CNTNAP2: variants seen among roughly 807,000 people sequenced by gnomAD.
CNTNAP2 encodes the protein contactin associated protein 2.
A neutral mutation model predicts 155.2 loss-of-function variants in CNTNAP2; 98 were observed. The ratio of observed to expected loss-of-function variants is 0.63; its 90% confidence interval spans 0.54 to 0.75. The LOEUF (loss-of-function observed/expected upper bound fraction) is 0.75, where lower values mean the gene tolerates loss of function less well. CNTNAP2 is among the 30% of genes least tolerant of loss of function. The probability of loss-of-function intolerance (pLI) is 0.00; values close to 1 mark genes in which losing one functional copy is unlikely to be tolerated. For synonymous variants in CNTNAP2, 651 were observed against 631.2 expected, an observed-to-expected ratio of 1.03 and a Z score of -0.47; for missense variants, 1,727 against 1,688.1, an observed-to-expected ratio of 1.02 and a Z score of -0.40.
At chr7:147,528,511 A>T (rs1799368556) in intron 11 of CNTNAP2, among the ~76,000 whole-genome samples, 1 of 152,084 alleles carries the variant, frequency 6.6e-6, no homozygotes, top group African/African-American at 2.4e-5. Context: ...TACACACAAC[A>T]CTCACAGACA....
intron 1 of CNTNAP2, among the ~76,000 whole-genome samples, chr7:146,358,633 G>A (rs777342646): frequency 9.9e-5 from 15 of 152,186 alleles, no homozygotes; most frequent in African/African-American, 1.4e-4. Flanking sequence ...ATAACAGCAA[G>A]CTAAAGATTG....
chr7:146,194,322 A>G, intron 1 of CNTNAP2, among the ~76,000 whole-genome samples: 1 of 152,232 alleles, frequency 6.6e-6, no homozygotes, highest in East Asian at 1.9e-4. Flanking sequence ...ATGGACTCAC[A>G]GTTCAGCATG....
chr7:147,850,923 G>A (rs1367560418), intron 13 of CNTNAP2, among the ~76,000 whole-genome samples: 1 of 151,098 alleles, frequency 6.6e-6, no homozygotes, highest in East Asian at 1.9e-4. Context: ...TTGACAAATG[G>A]GATCTAATTA....
At chr7:146,131,582 A>C (rs1485451484) in intron 1 of CNTNAP2, among the ~76,000 whole-genome samples, 1 of 152,222 alleles carries the variant, frequency 6.6e-6, no homozygotes. Context: ...TCAGAACTTC[A>C]ATAATATGCA....
chr7:147,336,665 G>A (rs1275819762), intron 9 of CNTNAP2, among the ~76,000 whole-genome samples: 1 of 152,088 alleles, frequency 6.6e-6, no homozygotes, highest in Non-Finnish European at 1.5e-5. Context: ...GAACTAGTTA[G>A]TGGCAGAGAT....
intron 15 of CNTNAP2, among the ~76,000 whole-genome samples, chr7:148,078,109 GC>G (rs1191327750): frequency 6.6e-6 from 1 of 151,972 alleles, no homozygotes; most frequent in African/African-American, 2.4e-5. Flanking sequence ...TGTCACCCAG[GC>G]TGGAGTGCAG....
chr7:146,642,332 C>A (rs1322265788), intron 1 of CNTNAP2, among the ~76,000 whole-genome samples: 1 of 127,614 alleles, frequency 7.8e-6, no homozygotes. Context: ...CAACAGTCCA[C>A]AGAGTGTGAT....
At chr7:147,476,401 A>G (rs982083371) in intron 10 of CNTNAP2, among the ~76,000 whole-genome samples, 5 of 150,516 alleles carry the variant, frequency 3.3e-5, no homozygotes, top group Non-Finnish European at 5.9e-5. Context: ...CACCGCGCCC[A>G]CCTCTGTTTA....
At chr7:147,996,239 T>C (rs769040592) in intron 15 of CNTNAP2, among the ~76,000 whole-genome samples, 1 of 152,242 alleles carries the variant, frequency 6.6e-6, no homozygotes, top group South Asian at 2.1e-4. Context: ...GCTTCTTATA[T>C]GTACTGGCAA....
chr7:146,760,817 C>G (rs1422452564), intron 1 of CNTNAP2, among the ~76,000 whole-genome samples: 1 of 151,982 alleles, frequency 6.6e-6, no homozygotes, highest in Non-Finnish European at 1.5e-5. Context: ...TGTTTTGTTT[C>G]TTCTAAAATA....
At chr7:146,682,083 A>C (rs1800514728) in intron 1 of CNTNAP2, among the ~76,000 whole-genome samples, 1 of 152,160 alleles carries the variant, frequency 6.6e-6, no homozygotes, top group Admixed American at 6.5e-5. Context: ...CTCACTGTAG[A>C]ACAAGACAGC....
At chr7:147,289,977 T>TA (rs1805265482) in intron 8 of CNTNAP2, among the ~76,000 whole-genome samples, 1 of 152,164 alleles carries the variant, frequency 6.6e-6, no homozygotes, top group Admixed American at 6.5e-5. Flanking sequence ...ATTATTGAGG[T>TA]AAAAATTACA....
intron 8 of CNTNAP2, among the ~76,000 whole-genome samples, chr7:147,173,396 G>A (rs1205534486): frequency 6.6e-6 from 1 of 151,878 alleles, no homozygotes; most frequent in East Asian, 1.9e-4. Flanking sequence ...AAGTACCTAA[G>A]AAACAATTTG....
At chr7:148,165,350 C>T (rs1805634489) in intron 17 of CNTNAP2, among the ~76,000 whole-genome samples, 1 of 152,072 alleles carries the variant, frequency 6.6e-6, no homozygotes, top group African/African-American at 2.4e-5. Flanking sequence ...CTTTAAAGGT[C>T]CCATCTTCAA....
At chr7:147,801,947 C>CG (rs1554436619) in intron 13 of CNTNAP2, among the ~76,000 whole-genome samples, 9 of 144,870 alleles carry the variant, frequency 6.2e-5, no homozygotes, top group South Asian at 4.5e-4. Context: ...GCTGGCCGGG[C>CG]GGGGGGCTGA....
At chr7:146,646,237 C>T (rs921791393) in intron 1 of CNTNAP2, among the ~76,000 whole-genome samples, 7 of 152,004 alleles carry the variant, frequency 4.6e-5, no homozygotes, top group African/African-American at 1.4e-4. Context: ...TGAACATGTT[C>T]GAGAAGGGAG....
chr7:147,187,913 T>C (rs7794261), intron 8 of CNTNAP2, among the ~76,000 whole-genome samples: 80,883 of 151,808 alleles, frequency 0.53, 22,133 homozygotes, highest in South Asian at 0.7. Flanking sequence ...TATAAAATAT[T>C]AGCCAGGTAT....
At chr7:146,308,866 T>C (rs1032390624) in intron 1 of CNTNAP2, among the ~76,000 whole-genome samples, 2 of 152,056 alleles carry the variant, frequency 1.3e-5, no homozygotes, top group Non-Finnish European at 2.9e-5. Context: ...TTAGGAGATA[T>C]ACCTAATGTA....
intron 21 of CNTNAP2, among the ~76,000 whole-genome samples, chr7:148,294,817 T>G (rs1186119023): frequency 6.6e-6 from 1 of 152,110 alleles, no homozygotes; most frequent in African/African-American, 2.4e-5. Context: ...GTGGCAAAAA[T>G]AAACATATAT....
Sources: allele counts gnomAD v4.1 joint callset (sites outside exome capture counted in the v4.1 genomes callset), GRCh38; gene constraint gnomAD v4.1.1; transcripts MANE v1.5; gene names NCBI Gene and HGNC (gene_info 2026-07-23, HGNC 2026-07-21).